TAFA1: variants seen among roughly 807,000 people sequenced by gnomAD.
TAFA1 encodes the protein TAFA chemokine like family member 1.
TAFA1 carries 4 observed loss-of-function variants against 18.5 expected under a neutral mutation model. That is an observed-to-expected ratio of 0.22 (90% CI 0.11 to 0.49). TAFA1 has a LOEUF of 0.49. Among genes scored for constraint, TAFA1 ranks in the 20% least tolerant of loss-of-function variants. The pLI, the probability that TAFA1 is intolerant of heterozygous loss-of-function variation, is 0.98. For missense variants in TAFA1, 147 were observed against 169.0 expected (o/e 0.87, Z 0.72); for synonymous variants, 56 against 55.2 (o/e 1.01, Z -0.06).
chr3:68,288,895 A>G (rs1165114142), intron 2 of TAFA1, among the ~76,000 whole-genome samples: 2 of 152,244 alleles, frequency 1.3e-5, no homozygotes, highest in African/African-American at 2.4e-5. Flanking sequence ...TTCAAAGATA[A>G]AAATGACTAG....
At chr3:68,106,176 A>C (rs1423818361) in intron 2 of TAFA1, among the ~76,000 whole-genome samples, 1 of 152,114 alleles carries the variant, frequency 6.6e-6, no homozygotes, top group Non-Finnish European at 1.5e-5. Flanking sequence ...AAAAAGAACG[A>C]ACGAAACCAC....
rs1443748776 is a variant in TAFA1, at chr3:68,478,198, CTTTG to C, written c.260-60554_260-60551del. Among the ~76,000 whole-genome samples, 3 of 152,306 alleles carry C rather than the reference CTTTG, an allele frequency of 2.0e-5. 1 individual carries two copies. Among genetic ancestry groups the C allele is most frequent in the South Asian group, 4.2e-4 (2 of 4,816 alleles). ...TAGGTATTCCCAATTTTGCCACTCT[CTTTG>C]TTTAACAAATTGGAACACAGTATGG... On this transcript the variant is annotated intron_variant, in intron 3 of 4. Transcript: ENST00000478136.
At chr3:68,450,960 C>G (rs2071558809) in intron 3 of TAFA1, among the ~76,000 whole-genome samples, 1 of 152,158 alleles carries the variant, frequency 6.6e-6, no homozygotes, top group African/African-American at 2.4e-5. Context: ...AATGAGGAAA[C>G]TGAACGAAAA....
In TAFA1 at chr3:68,259,977, G is replaced by C. The variant is rs1459555424; in HGVS notation, c.119-157303G>C. Among the ~76,000 whole-genome samples the C allele has an allele frequency of 2.8e-3, 427 of 152,050 alleles. 8 individuals carry two copies. The East Asian group carries it at 0.068, about 24-fold the overall frequency. On this transcript the variant is annotated intron_variant, in intron 2 of 4. Coordinates refer to ENST00000478136, the MANE Select transcript of TAFA1 (RefSeq NM_213609.4). ...TGGCCAGAACTTCCAACACTATGTT[G>C]AATAGGAGTGGTGAGAGAGGGCATC... is the stretch of plus-strand genomic sequence containing the variant.
chr3:68,415,281 C>T (rs140842832), intron 2 of TAFA1, among the ~76,000 whole-genome samples: 8 of 152,316 alleles, frequency 5.3e-5, no homozygotes, highest in African/African-American at 1.7e-4. Flanking sequence ...CAAAAATTCC[C>T]ATTCATTGCT....
chr3:68,527,752 C>A (rs1394799730), intron 3 of TAFA1, among the ~76,000 whole-genome samples: 1 of 152,038 alleles, frequency 6.6e-6, no homozygotes, highest in Non-Finnish European at 1.5e-5. Flanking sequence ...TCCAGCACTG[C>A]AGTAAATGAT....
At chr3:68,195,834 T>C (rs777165807) in intron 2 of TAFA1, among the ~76,000 whole-genome samples, 1 of 151,760 alleles carries the variant, frequency 6.6e-6, no homozygotes, top group African/African-American at 2.4e-5. Flanking sequence ...CCATATCATA[T>C]ATGTCTTTGT....
At chr3:68,385,770 A>G (rs2070086791) in intron 2 of TAFA1, among the ~76,000 whole-genome samples, 1 of 151,944 alleles carries the variant, frequency 6.6e-6, no homozygotes, top group South Asian at 2.1e-4. Flanking sequence ...ACACTTACTC[A>G]TTTACAAATT....
rs896423015 is a variant in TAFA1 at position 68,078,123 on chromosome 3, G to T, written c.118+71379G>T. Among the ~76,000 whole-genome samples, 280 of 152,044 alleles carry T rather than the reference G, an allele frequency of 1.8e-3. 2 individuals are homozygous for T. Among genetic ancestry groups the T allele is most frequent in the African/African-American group, 6.6e-3 (272 of 41,432 alleles). On this transcript the variant is annotated intron_variant, in intron 2 of 4. Transcript: ENST00000478136. ...TTGGCTCTCTGTTTGTCTGTTGTTG[G>T]TGTATAAGAATGCTTGTGATTTTTG... is the stretch of plus-strand genomic sequence containing the variant.
chr3:68,413,194 C>T (rs903050053), intron 2 of TAFA1, among the ~76,000 whole-genome samples: 2 of 152,162 alleles, frequency 1.3e-5, no homozygotes, highest in Non-Finnish European at 2.9e-5. Flanking sequence ...AGTGTCTGTT[C>T]ATATCCTTTG....
chr3:67,996,974 T>C, the TAFA1 span, among the ~76,000 whole-genome samples: 1 of 151,550 alleles, frequency 6.6e-6, no homozygotes, highest in South Asian at 2.1e-4. Context: ...TCTATGGGAG[T>C]GTAGAGGAGG....
intron 2 of TAFA1, among the ~76,000 whole-genome samples, chr3:68,235,631 G>C (rs943488208): frequency 2.0e-5 from 3 of 152,002 alleles, no homozygotes; most frequent in Admixed American, 6.6e-5. Context: ...TTATGATCTG[G>C]TTGGTGCTTA....
At chr3:68,100,440 C>G (rs2065134619) in intron 2 of TAFA1, among the ~76,000 whole-genome samples, 1 of 152,110 alleles carries the variant, frequency 6.6e-6, no homozygotes, top group Admixed American at 6.6e-5. Context: ...GCCAAGAGCA[C>G]TCCAGCCTGG....
intron 2 of TAFA1, among the ~76,000 whole-genome samples, chr3:68,383,162 A>G (rs1368340728): frequency 2.6e-5 from 4 of 151,800 alleles, no homozygotes; most frequent in Non-Finnish European, 4.4e-5. Flanking sequence ...GGATAGTTTG[A>G]CTTACTCTCT....
intron 2 of TAFA1, among the ~76,000 whole-genome samples, chr3:68,315,031 A>G (rs1245241343): frequency 6.6e-6 from 1 of 151,980 alleles, no homozygotes; most frequent in Non-Finnish European, 1.5e-5. Context: ...CTTCTCTGTT[A>G]AAGAGAACTT....
At chr3:68,376,910 A>T (rs2069830215) in intron 2 of TAFA1, among the ~76,000 whole-genome samples, 1 of 152,090 alleles carries the variant, frequency 6.6e-6, no homozygotes, top group Admixed American at 6.5e-5. Flanking sequence ...AGTTCTCATG[A>T]GGTCTGATGG....
At chr3:68,089,026 T>A (rs538425737) in intron 2 of TAFA1, among the ~76,000 whole-genome samples, 7 of 152,080 alleles carry the variant, frequency 4.6e-5, no homozygotes, top group Admixed American at 3.9e-4. Flanking sequence ...ATTCACTGAG[T>A]GGAGTGTCCT....
chr3:68,107,929 C>A (rs1442516547), intron 2 of TAFA1, among the ~76,000 whole-genome samples: 1 of 152,042 alleles, frequency 6.6e-6, no homozygotes, highest in Non-Finnish European at 1.5e-5. Context: ...GGTACTAATT[C>A]TGTTAAATAC....
At chr3:68,085,539 T>C (rs2064960723) in intron 2 of TAFA1, among the ~76,000 whole-genome samples, 1 of 152,238 alleles carries the variant, frequency 6.6e-6, no homozygotes, top group Non-Finnish European at 1.5e-5. Flanking sequence ...TGACAGAGTT[T>C]CTTGGTACAT....
Sources: allele counts gnomAD v4.1 joint callset (sites outside exome capture counted in the v4.1 genomes callset), GRCh38; gene constraint gnomAD v4.1.1; transcripts MANE v1.5; gene names NCBI Gene and HGNC (gene_info 2026-07-23, HGNC 2026-07-21).